DMD: variants seen among roughly 807,000 people sequenced by gnomAD.
DMD encodes mutant dystrophin.
Under a neutral mutation model 330.1 loss-of-function variants are expected in DMD, and 63 were observed. That is an observed-to-expected ratio of 0.19 (90% CI 0.16 to 0.24). The LOEUF is 0.24. DMD is among the 10% of genes least tolerant of loss of function. The probability of loss-of-function intolerance (pLI) is 1.00; values close to 1 mark genes in which losing one functional copy is unlikely to be tolerated. For missense variants in DMD, 3,344 were observed against 2,684.1 expected (o/e 1.25, Z -5.43); for synonymous variants, 1,223 against 959.8 (o/e 1.27, Z -5.07).
At chrX:33,049,678 A>C (rs6631728) in intron 1 of DMD, among the ~76,000 whole-genome samples, 2,462 of 111,038 alleles carry the variant, frequency 0.022, 66 homozygotes, top group African/African-American at 0.077. Flanking sequence ...ACTATGGAAT[A>C]GTACCAAAGT....
intron 55 of DMD, among the ~76,000 whole-genome samples, chrX:31,551,180 G>GAAAAA (rs202051079): frequency 3.0e-5 from 2 of 67,366 alleles, no homozygotes; most frequent in African/African-American, 7.6e-5. Context: ...CTCCATCTCG[G>GAAAAA]GAAAAAAAAA....
intron 1 of DMD, among the ~76,000 whole-genome samples, chrX:33,145,168 T>C (rs1296772795): frequency 9.8e-5 from 11 of 112,329 alleles, no homozygotes; most frequent in Non-Finnish European, 9.4e-5. Context: ...TGAGAAAACA[T>C]GGGAAGGCTC....
intron 29 of DMD, among the ~76,000 whole-genome samples, chrX:32,416,489 T>C (rs1276116867): frequency 8.9e-6 from 1 of 111,989 alleles, no homozygotes; most frequent in Non-Finnish European, 1.9e-5. Flanking sequence ...TTTTTGCCAA[T>C]GTCAAAATAA....
intron 73 of DMD, among the ~76,000 whole-genome samples, chrX:31,171,074 C>A (rs2039942790): frequency 8.9e-6 from 1 of 112,260 alleles, no homozygotes; most frequent in Non-Finnish European, 1.9e-5. Context: ...AAGCTATTTA[C>A]ATTTGGCTGA....
intron 1 of DMD, among the ~76,000 whole-genome samples, chrX:33,200,251 T>C (rs958118294): frequency 4.6e-5 from 5 of 109,374 alleles, no homozygotes; most frequent in African/African-American, 6.6e-5. Flanking sequence ...TAATAAGTTG[T>C]TTTTTTTTCC....
intron 54 of DMD, among the ~76,000 whole-genome samples, chrX:31,638,009 G>A (rs986947296): frequency 1.8e-5 from 2 of 110,765 alleles, no homozygotes; most frequent in South Asian, 3.8e-4. Context: ...TATTTTACTG[G>A]GCAACACATT....
At chrX:33,296,178 T>C (rs779282980) in intron 1 of DMD, among the ~76,000 whole-genome samples, 23 of 111,264 alleles carry the variant, frequency 2.1e-4, no homozygotes, top group Non-Finnish European at 4.4e-4. Flanking sequence ...ATGCTTTCTC[T>C]TGTGAAAGGT....
intron 25 of DMD, among the ~76,000 whole-genome samples, chrX:32,459,686 A>G (rs1388847109): frequency 1.8e-5 from 2 of 111,154 alleles, no homozygotes; most frequent in Non-Finnish European, 3.8e-5. Flanking sequence ...ACAGAAATAT[A>G]TCTGAAAACA....
At chrX:32,952,395 GT>G (rs2091304813) in intron 2 of DMD, among the ~76,000 whole-genome samples, 1 of 111,333 alleles carries the variant, frequency 9.0e-6, no homozygotes, top group Non-Finnish European at 1.9e-5. Flanking sequence ...GCTTCCCAAA[GT>G]GCTGGGATTA....
intron 60 of DMD, among the ~76,000 whole-genome samples, chrX:31,410,898 C>G (rs896216939): frequency 2.7e-4 from 28 of 104,230 alleles, no homozygotes; most frequent in African/African-American, 9.4e-4. Context: ...ACCGCCATAC[C>G]TGGCTAATTT....
intron 51 of DMD, among the ~76,000 whole-genome samples, chrX:31,753,910 C>CT (rs1424213786): frequency 3.6e-5 from 4 of 111,391 alleles, no homozygotes; most frequent in Non-Finnish European, 7.5e-5. Context: ...TGTTAACCAA[C>CT]TTTTTCTATG....
At chrX:31,438,948 CT>C (rs1248824554) in intron 60 of DMD, among the ~76,000 whole-genome samples, 1 of 110,910 alleles carries the variant, frequency 9.0e-6, no homozygotes, top group Admixed American at 9.6e-5. Flanking sequence ...ATAAGAATTG[CT>C]TGTTGGAAAA....
chrX:32,082,495 C>T (rs778131855), intron 44 of DMD, among the ~76,000 whole-genome samples: 5 of 111,202 alleles, frequency 4.5e-5, no homozygotes, highest in Admixed American at 9.6e-5. Context: ...TAGCCTCAAG[C>T]GATCCTTACA....
chrX:31,820,221 T>C (rs1346249917), intron 49 of DMD, 138 bp from the exon 50 acceptor site: 2 of 544,207 alleles, frequency 3.7e-6, no homozygotes, highest in Non-Finnish European at 6.0e-6. Context: ...TGGGTAGAAT[T>C]TCTTTTAAAG....
At chrX:32,617,718 T>C (rs2057692860) in intron 11 of DMD, among the ~76,000 whole-genome samples, 2 of 111,085 alleles carry the variant, frequency 1.8e-5, no homozygotes, top group African/African-American at 3.3e-5. Flanking sequence ...TGAGGACTTA[T>C]ACCAAACTAA....
rs1481445275 is a variant in DMD at position 32,483,164 on chromosome X, T to TATATATATAC, written c.2803+1754_2803+1755insGTATATATAT. 4.5e-3 allele frequency among the ~76,000 whole-genome samples: 278 copies of TATATATATAC among 61,603 alleles called. 40 individuals are homozygous for TATATATATAC. Among genetic ancestry groups the TATATATATAC allele is most frequent in the Non-Finnish European group, 6.9e-3 (200 of 29,020 alleles). 53.5% of individuals were successfully genotyped at this position (61,603 alleles called of 115,157 possible). ...TTCATTCCATATATATATATATATA[T>TATATATATAC]ACACCATATTTAATTAAAGGGTTAT... is the stretch of plus-strand genomic sequence containing the variant. On this transcript the variant is annotated intron_variant, in intron 21 of 78. Transcript: ENST00000357033.
At chrX:31,906,100 T>C (rs56662734) in intron 47 of DMD, among the ~76,000 whole-genome samples, 37,545 of 109,998 alleles carry the variant, frequency 0.34, 6,027 homozygotes, top group African/African-American at 0.62. Flanking sequence ...CCTCATGCTG[T>C]TCTTGTGACA....
intron 9 of DMD, among the ~76,000 whole-genome samples, chrX:32,690,482 A>G (rs2063196351): frequency 8.9e-6 from 1 of 111,794 alleles, no homozygotes; most frequent in Non-Finnish European, 1.9e-5. Flanking sequence ...TTTCACAGAA[A>G]CAGAGAAAAA....
chrX:31,496,153 A>G (rs1402192119), intron 57 of DMD, among the ~76,000 whole-genome samples: 1 of 112,180 alleles, frequency 8.9e-6, no homozygotes, highest in Non-Finnish European at 1.9e-5. Flanking sequence ...ACTTCCAAAC[A>G]AAAAGTAATA....
Sources: allele counts gnomAD v4.1 joint callset (sites outside exome capture counted in the v4.1 genomes callset), GRCh38; gene constraint gnomAD v4.1.1; transcripts MANE v1.5; gene names NCBI Gene and HGNC (gene_info 2026-07-23, HGNC 2026-07-21).